Variants in PDZD2 observed in about 807,000 individuals in gnomAD.
PDZD2 encodes PDZ domain-containing protein 2.
In PDZD2, 90 loss-of-function variants were observed where a neutral mutation model predicts 220.7. The ratio of observed to expected loss-of-function variants is 0.41; its 90% CI spans 0.34 to 0.49. The LOEUF (loss-of-function observed/expected upper bound fraction) is 0.49. Ranked by LOEUF, PDZD2 falls within the 20% of genes least tolerant of loss-of-function variation. PDZD2 has a pLI of 0.28. For missense variants in PDZD2, 3,174 were observed against 3,608.5 expected (o/e 0.88, Z 3.08); for synonymous variants, 1,375 against 1,450.5 (o/e 0.95, Z 1.18).
intron 7 of PDZD2, 135 bp downstream of exon 7, chr5:32,037,477 A>G (rs2112224290): frequency 1.6e-6 from 1 of 612,624 alleles, no homozygotes; most frequent in South Asian, 2.0e-5. Context: ...TGGATGGTGC[A>G]TATCCCAGGC....
intron 8 of PDZD2, among the ~76,000 whole-genome samples, chr5:32,049,448 C>T (rs1044576180): frequency 1.2e-4 from 19 of 152,280 alleles, no homozygotes; most frequent in East Asian, 7.7e-4. Flanking sequence ...GTGGCAGCAA[C>T]GACCTCCACA....
At chr5:31,676,001 C>T (rs1746398861) in intron 1 of PDZD2, among the ~76,000 whole-genome samples, 1 of 152,214 alleles carries the variant, frequency 6.6e-6, no homozygotes, top group Non-Finnish European at 1.5e-5. Flanking sequence ...CGTGCCCAGC[C>T]TCCTTGAAGA....
At position 32,067,980 on chromosome 5, in the gene PDZD2, C is replaced by T. The variant is rs896868939; in HGVS notation, c.2452-1589C>T. On this transcript the variant is annotated intron_variant, in intron 14 of 24. Transcript: ENST00000438447. ...ATATTTACATAGTCTCAAACTGTTT[C>T]TTCACAGATTACTCATTAATGACTG... Among the ~76,000 whole-genome samples the T allele has an allele frequency of 2.0e-5, 3 of 152,288 alleles. No homozygotes were observed. The East Asian group carries it at 5.8e-4, about 29-fold the overall frequency.
Position 31,919,719 on chromosome 5 carries a change from G to GAAA in PDZD2, c.477-63427_477-63425dup, listed in dbSNP as rs1554006705. On this transcript the variant is annotated intron_variant, in intron 2 of 24. Transcript: ENST00000438447. ...CAAAATTGATAAAGAAAAAAAAAAG[G>GAAA]AAAAAAAAAAAGGCCAGGCACAGTG... 9.7e-3 allele frequency among the ~76,000 whole-genome samples: 321 copies of GAAA among 33,222 alleles called. 2 individuals are homozygous for GAAA. The highest frequency in any genetic ancestry group is 0.024 in the African/African-American group (293 of 12,168). 21.8% of individuals were successfully genotyped at this position (33,222 alleles called of 152,430 possible).
At chr5:31,924,651 C>T (rs532970166) in intron 2 of PDZD2, among the ~76,000 whole-genome samples, 26 of 152,270 alleles carry the variant, frequency 1.7e-4, no homozygotes, top group Admixed American at 1.0e-3. Flanking sequence ...TTAGAGGAGA[C>T]GCTTGTTAAT....
chr5:32,073,609 G>GGGGC (rs1554037786), intron 17 of PDZD2, among the ~76,000 whole-genome samples: 54 of 147,844 alleles, frequency 3.7e-4, no homozygotes, highest in African/African-American at 1.3e-3. Context: ...GAAAAGGGCG[G>GGGGC]GGGGGGTAGG....
At chr5:31,811,178 G>T (rs1394573923) in intron 2 of PDZD2, among the ~76,000 whole-genome samples, 1 of 152,158 alleles carries the variant, frequency 6.6e-6, no homozygotes, top group Non-Finnish European at 1.5e-5. Context: ...TAAAGACAGG[G>T]CTTCACCATG....
At chr5:31,765,113 A>G (rs1398149884) in intron 1 of PDZD2, among the ~76,000 whole-genome samples, 1 of 151,886 alleles carries the variant, frequency 6.6e-6, no homozygotes, top group Non-Finnish European at 1.5e-5. Context: ...AAGGAAGAGG[A>G]CAGAGACTAA....
chr5:31,828,467 T>G (rs889134360), intron 2 of PDZD2, among the ~76,000 whole-genome samples: 2 of 152,216 alleles, frequency 1.3e-5, no homozygotes, highest in Non-Finnish European at 2.9e-5. Flanking sequence ...TTTGAACCTT[T>G]GTATATCTTT....
intron 4 of PDZD2, among the ~76,000 whole-genome samples, chr5:31,997,697 C>T (rs1338529154): frequency 6.6e-6 from 1 of 152,194 alleles, no homozygotes; most frequent in Non-Finnish European, 1.5e-5. Context: ...TATTGGGTCT[C>T]ATCCTTTTCA....
chr5:31,890,690 C>T (rs544952783), intron 2 of PDZD2, among the ~76,000 whole-genome samples: 29 of 151,548 alleles, frequency 1.9e-4, no homozygotes, highest in African/African-American at 7.1e-4. Flanking sequence ...TTAATCTTCT[C>T]CTTTTAAATC....
chr5:31,749,717 C>T (rs543799639), intron 1 of PDZD2, among the ~76,000 whole-genome samples: 176 of 152,262 alleles, frequency 1.2e-3, no homozygotes, highest in Middle Eastern at 6.8e-3. Context: ...CCTCCGCACC[C>T]GGCTGTGACG....
intron 6 of PDZD2, among the ~76,000 whole-genome samples, chr5:32,017,267 T>C (rs1223434357): frequency 6.6e-6 from 1 of 151,988 alleles, no homozygotes; most frequent in Non-Finnish European, 1.5e-5. Flanking sequence ...CAAAACTCCA[T>C]CTCTACTAAA....
rs181734149 is a variant in PDZD2 at position 32,027,527 on chromosome 5, G to T, written c.1408-9704G>T. 5.3e-5 allele frequency among the ~76,000 whole-genome samples: 8 copies of T among 152,282 alleles called. No individual in the cohort carries two copies. In the East Asian group the frequency reaches 1.5e-3, roughly 29 times the overall value. On this transcript the variant is annotated intron_variant, in intron 6 of 24. Transcript: ENST00000438447. ...GGAGCCACAGCCTGAGCGTCGCAGT[G>T]GGCATCAGTTGCGGCTCCCCCCACT...
chr5:31,853,743 A>AT (rs2150301714), intron 2 of PDZD2, among the ~76,000 whole-genome samples: 1 of 152,292 alleles, frequency 6.6e-6, no homozygotes, highest in East Asian at 1.9e-4. Context: ...CTGGATGCCC[A>AT]CAACCAGAGC....
At chr5:32,044,346 C>T (rs746271214) in intron 7 of PDZD2, among the ~76,000 whole-genome samples, 2 of 151,912 alleles carry the variant, frequency 1.3e-5, no homozygotes, top group African/African-American at 4.8e-5. Flanking sequence ...AACCAGAAGG[C>T]CTTCTAAAGA....
intron 2 of PDZD2, among the ~76,000 whole-genome samples, chr5:31,947,155 A>C (rs1746710623): frequency 6.6e-6 from 1 of 152,242 alleles, no homozygotes; most frequent in Non-Finnish European, 1.5e-5. Flanking sequence ...TTAGAGGGAC[A>C]ATATACAAAG....
intron 1 of PDZD2, among the ~76,000 whole-genome samples, chr5:31,705,585 G>A (rs78611378): frequency 0.047 from 7,193 of 151,998 alleles, 211 homozygotes; most frequent in Middle Eastern, 0.12. Context: ...AGACCCTTAC[G>A]AAAAATATAC....
At chr5:31,967,926 A>G (rs1748905319) in intron 2 of PDZD2, among the ~76,000 whole-genome samples, 1 of 152,268 alleles carries the variant, frequency 6.6e-6, no homozygotes, top group Admixed American at 6.5e-5. Context: ...ACACAAATAC[A>G]TAGAGAAAGT....
Sources: gnomAD v4.1 joint callset for allele counts (sites outside exome capture counted in the v4.1 genomes callset) on GRCh38, gnomAD v4.1.1 for gene constraint, MANE v1.5 for transcripts, NCBI Gene and HGNC (gene_info 2026-07-23, HGNC 2026-07-21) for gene names.